The following SLC35F3 variants were observed in gnomAD, a reference collection of about 807,000 sequenced individuals.
SLC35F3 encodes the protein putative thiamine transporter SLC35F3.
A neutral mutation model predicts 49.9 loss-of-function variants in SLC35F3; 25 were observed. That is an observed-to-expected ratio of 0.50 (90% CI 0.37 to 0.70). SLC35F3 has a LOEUF of 0.70. SLC35F3 is among the 30% of genes least tolerant of loss of function. SLC35F3 has a pLI of 0.00. For missense variants in SLC35F3, 525 were observed against 639.8 expected, an observed-to-expected ratio of 0.82 and a Z score of 1.94; for synonymous variants, 275 against 265.4, an observed-to-expected ratio of 1.04 and a Z score of -0.35.
intron 2 of SLC35F3, among the ~76,000 whole-genome samples, chr1:234,174,075 C>T (rs1309343215): frequency 6.6e-6 from 1 of 152,250 alleles, no homozygotes; most frequent in African/African-American, 2.4e-5. Flanking sequence ...ACGAGCTGGA[C>T]AGCTCTGCGT....
At chr1:234,298,351 C>T (rs1255089025) in intron 3 of SLC35F3, among the ~76,000 whole-genome samples, 4 of 152,082 alleles carry the variant, frequency 2.6e-5, no homozygotes, top group Admixed American at 6.5e-5. Flanking sequence ...CCATATTTAC[C>T]TTTTTTACTC....
At chr1:234,104,280 C>T (rs1665252197) in intron 2 of SLC35F3, among the ~76,000 whole-genome samples, 2 of 152,078 alleles carry the variant, frequency 1.3e-5, no homozygotes, top group Admixed American at 1.3e-4. Flanking sequence ...GTGTCTATAG[C>T]TTCAAGTAAA....
chr1:233,957,265 GGAGGCTGAATAT>G lies in SLC35F3; in HGVS notation c.283+51508_283+51519del, dbSNP rs1662720219. Reference sequence around the variant, plus strand: ...AACTGGACTGAAATGTACTACTTAAGGAGGCTGAATATAAAGGAATCTGAACCATAACAAAGG... The same window carrying G: ...AACTGGACTGAAATGTACTACTTAAGAAAGGAATCTGAACCATAACAAAGG... On this transcript the variant is annotated intron_variant, in intron 2 of 7. Coordinates refer to ENST00000366618, the MANE Select transcript of SLC35F3 (RefSeq NM_173508.4). This position sits in a 1 kb window ranked among gnomAD's most constrained non-coding sequence, Gnocchi z 4.0. Among the ~76,000 whole-genome samples the G allele has an allele frequency of 6.6e-6, 1 of 152,120 alleles. No individual in the cohort carries two copies. Among genetic ancestry groups the G allele is most frequent in the Non-Finnish European group, 1.5e-5 (1 of 68,030 alleles).
intron 2 of SLC35F3, among the ~76,000 whole-genome samples, chr1:233,926,135 A>G (rs1386784366): frequency 6.6e-6 from 1 of 152,062 alleles, no homozygotes; most frequent in Non-Finnish European, 1.5e-5. Context: ...CTCGAGGAGT[A>G]TCTTTGTGGC....
At chr1:234,319,280 C>G (rs1233922306) in intron 6 of SLC35F3, among the ~76,000 whole-genome samples, 2 of 152,072 alleles carry the variant, frequency 1.3e-5, no homozygotes, top group African/African-American at 4.8e-5. Flanking sequence ...TGATAAGTGT[C>G]AATATTCAAT....
In SLC35F3 at chr1:234,059,598, T is replaced by C. The variant is rs1435174290; in HGVS notation, c.283+153840T>C. Among the ~76,000 whole-genome samples the C allele has an allele frequency of 5.4e-5, 8 of 148,742 alleles. No individual in the cohort carries two copies. The South Asian group carries it at 6.7e-4, about 12-fold the overall frequency. ...GTAGAGATAGAGCTAGAGCTAGAGC[T>C]AGAGACATAGACATAGACTAGACAT... On this transcript the variant is annotated intron_variant, in intron 2 of 7. Transcript: ENST00000366618.
At chr1:234,073,603 G>A (rs563131962) in intron 2 of SLC35F3, among the ~76,000 whole-genome samples, 1 of 152,258 alleles carries the variant, frequency 6.6e-6, no homozygotes, top group African/African-American at 2.4e-5. Flanking sequence ...CTACCTCCCG[G>A]TTCCTTCAAA....
At chr1:234,107,928 A>G (rs934806337) in intron 2 of SLC35F3, among the ~76,000 whole-genome samples, 3 of 151,562 alleles carry the variant, frequency 2.0e-5, no homozygotes, top group South Asian at 2.1e-4. Context: ...TATTTGGAAA[A>G]CCTGACTTGC....
chr1:234,169,279 A>C (rs963881266), intron 2 of SLC35F3, among the ~76,000 whole-genome samples: 4 of 152,212 alleles, frequency 2.6e-5, no homozygotes, highest in Non-Finnish European at 5.9e-5. Context: ...ACACCCTCAC[A>C]GACGCACCAG....
At chr1:233,975,857 T>C (rs1234182970) in intron 2 of SLC35F3, among the ~76,000 whole-genome samples, 1 of 152,200 alleles carries the variant, frequency 6.6e-6, no homozygotes, top group Non-Finnish European at 1.5e-5. Flanking sequence ...TGTACTGGCT[T>C]TCTGCTCCTC....
intron 2 of SLC35F3, among the ~76,000 whole-genome samples, chr1:234,058,328 ATTTTTTTTTTTTTTT>A (rs56960667): frequency 1.5e-4 from 6 of 39,792 alleles, no homozygotes; most frequent in African/African-American, 5.5e-4. Flanking sequence ...ATGTTCCTGA[ATTTTTTTTTTTTTTT>A]TTTTTTTTTT....
intron 3 of SLC35F3, among the ~76,000 whole-genome samples, chr1:234,276,657 C>A (rs1481210851): frequency 6.6e-6 from 1 of 152,164 alleles, no homozygotes; most frequent in Non-Finnish European, 1.5e-5. Context: ...CACAGGAGAA[C>A]AAACAGAACA....
chr1:234,041,834 T>C (rs1281768699), intron 2 of SLC35F3, among the ~76,000 whole-genome samples: 1 of 152,188 alleles, frequency 6.6e-6, no homozygotes, highest in Non-Finnish European at 1.5e-5. Context: ...ATAATCATAT[T>C]GACCAGATCC....
intron 2 of SLC35F3, among the ~76,000 whole-genome samples, chr1:233,991,496 T>C (rs976848914): frequency 6.6e-6 from 1 of 152,002 alleles, no homozygotes; most frequent in African/African-American, 2.4e-5. Context: ...GAGGGTACAA[T>C]TACCTGGCTG....
At chr1:234,265,536 T>C (rs1284844413) in intron 3 of SLC35F3, among the ~76,000 whole-genome samples, 1 of 152,028 alleles carries the variant, frequency 6.6e-6, no homozygotes, top group Non-Finnish European at 1.5e-5. Flanking sequence ...GGGACCCCTT[T>C]TGACTGTACT....
At chr1:234,082,619 T>C (rs1277903368) in intron 2 of SLC35F3, among the ~76,000 whole-genome samples, 3 of 152,196 alleles carry the variant, frequency 2.0e-5, no homozygotes, top group Admixed American at 2.0e-4. Flanking sequence ...TTAGTATGTT[T>C]TCACACTGCT....
Position 234,324,094 on chromosome 1 carries a change from C to T in SLC35F3, c.*851C>T, listed in dbSNP as rs1193759786. 1 of 152,184 alleles carries T rather than the reference C, an allele frequency of 6.6e-6. No homozygotes were observed. The highest frequency in any genetic ancestry group is 1.9e-4 in the East Asian group (1 of 5,196). 9.4% of individuals were successfully genotyped at this position (152,184 alleles called of 1,614,324 possible). On this transcript the variant is annotated 3_prime_UTR_variant, in exon 8 of 8. Coordinates refer to ENST00000366618, the MANE Select transcript of SLC35F3 (RefSeq NM_173508.4). The stretch of plus-strand genomic sequence containing the variant: ...TGGCCAGTGTATACAGAGCGTGGCC[C>T]GCGGTGTACAATACCCATATAAGGT...
intron 2 of SLC35F3, among the ~76,000 whole-genome samples, chr1:234,061,280 A>T: frequency 6.6e-6 from 1 of 152,124 alleles, no homozygotes; most frequent in East Asian, 1.9e-4. Flanking sequence ...TAAATATGTT[A>T]TCACACTGCC....
intron 2 of SLC35F3, among the ~76,000 whole-genome samples, chr1:234,060,317 A>C (rs1370923740): frequency 6.6e-6 from 1 of 152,164 alleles, no homozygotes; most frequent in Non-Finnish European, 1.5e-5. Context: ...TTGCTTGTCT[A>C]CTATTGGAAA....
Sources: allele counts gnomAD v4.1 joint callset (sites outside exome capture counted in the v4.1 genomes callset), GRCh38; gene constraint gnomAD v4.1.1; non-coding constraint Gnocchi (gnomAD v3.1); transcripts MANE v1.5; gene names NCBI Gene and HGNC (gene_info 2026-07-23, HGNC 2026-07-21).